The following ZNF469 variants were observed in gnomAD, a reference collection of about 807,000 sequenced individuals.
The protein encoded by ZNF469 is zinc finger protein 469.
Under a neutral mutation model 1.0 loss-of-function variants are expected in ZNF469, and 1 was observed. That is an observed-to-expected ratio of 1.00 (90% CI 0.35 to 4.73). The LOEUF (loss-of-function observed/expected upper bound fraction) is 4.73, where lower values mean the gene tolerates loss of function less well. ZNF469 is among the 30% of genes most tolerant of loss of function. The pLI is 0.16. For synonymous variants in ZNF469, 2,703 were observed against 2,363.4 expected, an observed-to-expected ratio of 1.14 and a Z score of -4.17; for missense variants, 6,100 against 5,356.3, an observed-to-expected ratio of 1.14 and a Z score of -4.33.
the ZNF469 span, among the ~76,000 whole-genome samples, chr16:88,369,611 T>A: frequency 2.0e-5 from 3 of 152,216 alleles, no homozygotes; most frequent in African/African-American, 7.2e-5. Flanking sequence ...GATGCTAATG[T>A]CATGAGTCAG....
At chr16:88,358,916 G>A in the ZNF469 span, among the ~76,000 whole-genome samples, 3 of 152,066 alleles carry the variant, frequency 2.0e-5, no homozygotes, top group Non-Finnish European at 4.4e-5. Context: ...TCTGCCCTTG[G>A]TGGACACCTG....
At chr16:88,339,966 G>A in the ZNF469 span, among the ~76,000 whole-genome samples, 1 of 151,962 alleles carries the variant, frequency 6.6e-6, no homozygotes, top group Non-Finnish European at 1.5e-5. Context: ...GGAGCGAGTG[G>A]GCGGGCCTCT....
chr16:88,376,160 G>A, the ZNF469 span, among the ~76,000 whole-genome samples: 7 of 152,366 alleles, frequency 4.6e-5, no homozygotes, highest in South Asian at 6.2e-4. Context: ...TTGTCTGCAC[G>A]CCTTCGCCAG....
chr16:88,285,195 C>T, the ZNF469 span, among the ~76,000 whole-genome samples: 15 of 152,262 alleles, frequency 9.9e-5, no homozygotes, highest in African/African-American at 2.2e-4. Flanking sequence ...CCCGTGTGCC[C>T]GGAGAACTGC....
At chr16:88,259,148 A>G in the ZNF469 span, among the ~76,000 whole-genome samples, 59,679 of 152,052 alleles carry the variant, frequency 0.39, 12,658 homozygotes, top group African/African-American at 0.53. The surrounding 1 kb of genome is among the most constrained non-coding windows in gnomAD (Gnocchi z 4.1). Context: ...GCCACAAGGC[A>G]GAAGAAAGTC....
chr16:88,386,099 T>TTCTTCCCAGCGTCCTCCCCA (rs1567497435), intron 1 of ZNF469, among the ~76,000 whole-genome samples: 1 of 152,152 alleles, frequency 6.6e-6, no homozygotes, highest in African/African-American at 2.4e-5. Flanking sequence ...CTTCCCCATC[T>TTCTTCCCAGCGTCCTCCCCA]TCTTCCCAGC....
At chr16:88,101,922 G>A in the ZNF469 span, among the ~76,000 whole-genome samples, 11 of 152,176 alleles carry the variant, frequency 7.2e-5, no homozygotes, top group African/African-American at 2.2e-4. Flanking sequence ...CCGCGGGTGC[G>A]TCTTGGCTCC....
the ZNF469 span, among the ~76,000 whole-genome samples, chr16:88,359,830 C>T: frequency 6.6e-6 from 1 of 152,160 alleles, no homozygotes; most frequent in Non-Finnish European, 1.5e-5. Context: ...ATACCTGCCA[C>T]CTGGATTGTA....
the ZNF469 span, among the ~76,000 whole-genome samples, chr16:88,297,693 G>A: frequency 1.3e-5 from 2 of 152,112 alleles, no homozygotes; most frequent in Non-Finnish European, 2.9e-5. Flanking sequence ...CTGTGGGCCG[G>A]AGCCCCCTCT....
At chr16:88,417,618 C>A (rs372773031) in intron 1 of ZNF469, among the ~76,000 whole-genome samples, 18 of 152,232 alleles carry the variant, frequency 1.2e-4, no homozygotes, top group African/African-American at 4.3e-4. Flanking sequence ...TTCCTACACC[C>A]TTTGGGCAGG....
chr16:88,414,405 G>T (rs145813866), intron 1 of ZNF469, among the ~76,000 whole-genome samples: 4 of 152,238 alleles, frequency 2.6e-5, no homozygotes, highest in African/African-American at 9.6e-5. Context: ...CCACAGTCTC[G>T]TTACCTCCAC....
At chr16:88,322,667 C>T in the ZNF469 span, among the ~76,000 whole-genome samples, 8 of 152,228 alleles carry the variant, frequency 5.3e-5, no homozygotes, top group South Asian at 2.1e-4. Flanking sequence ...CTCCATCCCA[C>T]GGACTCCAGG....
At chr16:88,117,252 C>A in the ZNF469 span, among the ~76,000 whole-genome samples, 55 of 151,718 alleles carry the variant, frequency 3.6e-4, no homozygotes, top group Admixed American at 3.6e-3. Flanking sequence ...CGTGTGAGAG[C>A]CGGGGACGTG....
At chr16:88,247,153 G>T in the ZNF469 span, among the ~76,000 whole-genome samples, 2 of 151,936 alleles carry the variant, frequency 1.3e-5, no homozygotes, top group South Asian at 4.2e-4. Context: ...GTTAGTGAAT[G>T]AGTGAATCGT....
chr16:88,339,795 G>C, the ZNF469 span, among the ~76,000 whole-genome samples: 1 of 92,798 alleles, frequency 1.1e-5, no homozygotes, highest in Admixed American at 1.1e-4. Context: ...CAGGGGGATG[G>C]GGGGACATGG....
chr16:88,150,631 T>C, the ZNF469 span, among the ~76,000 whole-genome samples: 1 of 151,946 alleles, frequency 6.6e-6, no homozygotes, highest in African/African-American at 2.4e-5. Context: ...CTGCAGGTGG[T>C]CTTTGGACCC....
At chr16:88,423,721 C>T (rs951923080) in intron 1 of ZNF469, among the ~76,000 whole-genome samples, 19 of 152,232 alleles carry the variant, frequency 1.2e-4, no homozygotes, top group Admixed American at 1.0e-3. Context: ...CACACAGCTA[C>T]AGGCAGGAGG....
chr16:88,151,442 GC>G, the ZNF469 span, among the ~76,000 whole-genome samples: 1 of 152,220 alleles, frequency 6.6e-6, no homozygotes, highest in African/African-American at 2.4e-5. The surrounding 1 kb of genome is among the most constrained non-coding windows in gnomAD (Gnocchi z 5.4). Flanking sequence ...AGAAATGGCC[GC>G]AGACTCTCCC....
the ZNF469 span, among the ~76,000 whole-genome samples, chr16:88,251,553 T>G: frequency 5.4e-5 from 4 of 74,554 alleles, no homozygotes; most frequent in Admixed American, 1.5e-4. Context: ...TTTTTTTTTT[T>G]TTTTTTTTTT....
Sources: gnomAD v4.1 joint callset for allele counts (sites outside exome capture counted in the v4.1 genomes callset) on GRCh38, gnomAD v4.1.1 for gene constraint, Gnocchi (gnomAD v3.1) non-coding constraint, MANE v1.5 for transcripts, NCBI Gene and HGNC (gene_info 2026-07-23, HGNC 2026-07-21) for gene names.